SSBP2: variants seen among roughly 807,000 people sequenced by gnomAD.
SSBP2 encodes single-stranded DNA-binding protein 2.
Under a neutral mutation model 61.8 loss-of-function variants are expected in SSBP2, and 17 were observed. That is an observed-to-expected ratio of 0.28 (90% CI 0.19 to 0.41). SSBP2 has a LOEUF of 0.41. Among genes scored for constraint, SSBP2 ranks in the 10% least tolerant of loss-of-function variants. The pLI, the probability that SSBP2 is intolerant of heterozygous loss-of-function variation, is 1.00. For missense variants in SSBP2, 310 were observed against 458.7 expected (o/e 0.68, Z 2.96); for synonymous variants, 139 against 141.3 (o/e 0.98, Z 0.12).
At chr5:81,453,987 C>T (rs1763958002) in intron 10 of SSBP2, among the ~76,000 whole-genome samples, 1 of 152,156 alleles carries the variant, frequency 6.6e-6, no homozygotes, top group African/African-American at 2.4e-5. Context: ...CACTAATAAC[C>T]TTCAAAATAG....
At chr5:81,449,479 T>G (rs1763625736) in intron 10 of SSBP2, among the ~76,000 whole-genome samples, 1 of 152,226 alleles carries the variant, frequency 6.6e-6, no homozygotes, top group African/African-American at 2.4e-5. Flanking sequence ...AGCTAACTTG[T>G]ATTAAGATGC....
chr5:81,514,631 G>A (rs994457382), intron 4 of SSBP2, among the ~76,000 whole-genome samples: 2 of 151,982 alleles, frequency 1.3e-5, no homozygotes, highest in Non-Finnish European at 2.9e-5. Flanking sequence ...CTGCTATGAT[G>A]AGAAATCAAA....
chr5:81,415,325 G>A lies in SSBP2; in HGVS notation c.*5179C>T, dbSNP rs1761263935. On this transcript the variant is annotated 3_prime_UTR_variant, in exon 17 of 17. Transcript: ENST00000320672. ...GGAGACCGGTTCCAGGACCTCTGCA[G>A]ATACCAAAATCCACAGACGCTTAAG... is the stretch of plus-strand genomic sequence containing the variant. The A allele has an allele frequency of 6.6e-6, 1 of 152,176 alleles. No homozygotes were observed. Among genetic ancestry groups the A allele is most frequent in the South Asian group, 2.1e-4 (1 of 4,834 alleles). The allele number at this position is 152,176 out of a possible 1,614,324, so 9.4% of individuals were successfully genotyped here. A position where few individuals can be genotyped will look rare whatever the true frequency, so the allele number is the denominator to read the frequency against.
rs545751072 is a variant in SSBP2, at chr5:81,415,226, A to G, written c.*5278T>C. On this transcript the variant is annotated 3_prime_UTR_variant, in exon 17 of 17. Coordinates refer to ENST00000320672, the MANE Select transcript of SSBP2 (RefSeq NM_012446.5). ...ATACTGGATTACTCCCTCCCATACT[A>G]TACATTCACTGGCCACTTGTATCGA... 1 of 152,196 alleles carries G rather than the reference A, an allele frequency of 6.6e-6. No homozygotes were observed. The highest frequency in any genetic ancestry group is 1.5e-5 in the Non-Finnish European group (1 of 68,042). 9.4% of individuals were successfully genotyped at this position (152,196 alleles called of 1,614,324 possible). A position where few individuals can be genotyped will look rare whatever the true frequency, so the allele number is the denominator to read the frequency against.
intron 3 of SSBP2, among the ~76,000 whole-genome samples, chr5:81,623,889 A>G (rs192307233): frequency 6.6e-6 from 1 of 152,310 alleles, no homozygotes; most frequent in African/African-American, 2.4e-5. Context: ...ACAAGTGATT[A>G]AAAGAGGATA....
chr5:81,528,598 C>T (rs1210261509), intron 4 of SSBP2, among the ~76,000 whole-genome samples: 1 of 151,942 alleles, frequency 6.6e-6, no homozygotes, highest in Admixed American at 6.6e-5. Context: ...ACATGGTTGC[C>T]AATCACATAT....
At chr5:81,432,208 C>T (rs1004005438) in intron 15 of SSBP2, among the ~76,000 whole-genome samples, 1 of 152,036 alleles carries the variant, frequency 6.6e-6, no homozygotes, top group South Asian at 2.1e-4. Context: ...GGTCAGCACA[C>T]ATGAGATGAT....
intron 4 of SSBP2, among the ~76,000 whole-genome samples, chr5:81,591,391 A>G (rs565927788): frequency 6.6e-6 from 1 of 152,344 alleles, no homozygotes; most frequent in African/African-American, 2.4e-5. Flanking sequence ...CAAAAAGTAC[A>G]AGACATATCA....
At chr5:81,425,269 G>A (rs1022624074) in intron 16 of SSBP2, among the ~76,000 whole-genome samples, 2 of 152,092 alleles carry the variant, frequency 1.3e-5, no homozygotes, top group African/African-American at 4.8e-5. Flanking sequence ...CTGTTTAAGT[G>A]TCTGTATGAT....
intron 4 of SSBP2, among the ~76,000 whole-genome samples, chr5:81,581,321 C>T (rs957186499): frequency 6.6e-6 from 1 of 152,112 alleles, no homozygotes; most frequent in Non-Finnish European, 1.5e-5. Context: ...AAGGCTTGAG[C>T]GGCATTTGGG....
chr5:81,751,242 G>A (rs114323033), upstream of SSBP2: 4 of 601,832 alleles, frequency 6.6e-6, no homozygotes, highest in East Asian at 8.7e-5. Context: ...AGCGCGCGGT[G>A]GCGGCTAAGC....
chr5:81,491,141 T>A (rs1766825900), intron 5 of SSBP2, among the ~76,000 whole-genome samples: 1 of 152,222 alleles, frequency 6.6e-6, no homozygotes, highest in South Asian at 2.1e-4. Context: ...TTAAAAAATT[T>A]AATAAATATT....
intron 1 of SSBP2, among the ~76,000 whole-genome samples, chr5:81,652,853 C>G (rs991400808): frequency 6.6e-6 from 1 of 151,686 alleles, no homozygotes; most frequent in Non-Finnish European, 1.5e-5. Flanking sequence ...ACCCATCACC[C>G]GAGTAGCATA....
At chr5:81,488,299 T>C (rs1479082400) in intron 6 of SSBP2, among the ~76,000 whole-genome samples, 1 of 151,816 alleles carries the variant, frequency 6.6e-6, no homozygotes, top group African/African-American at 2.4e-5. Context: ...ATCTCCATAC[T>C]GTTTTCCATA....
intron 1 of SSBP2, among the ~76,000 whole-genome samples, chr5:81,738,867 A>G (rs1040767380): frequency 2.0e-5 from 3 of 152,150 alleles, no homozygotes; most frequent in African/African-American, 7.2e-5. Context: ...TTTTCTGCTT[A>G]AAATTGCTTA....
chr5:81,750,361 C>T (rs1253927214), intron 1 of SSBP2, among the ~76,000 whole-genome samples: 4 of 145,486 alleles, frequency 2.7e-5, no homozygotes, highest in African/African-American at 9.9e-5. Flanking sequence ...CCGCGCCCCG[C>T]GCGCGTCTCC....
At chr5:81,681,277 T>C (rs952668411) in intron 1 of SSBP2, among the ~76,000 whole-genome samples, 4 of 152,140 alleles carry the variant, frequency 2.6e-5, no homozygotes, top group African/African-American at 7.2e-5. Flanking sequence ...CCCAGCACTT[T>C]GGGAGACCGA....
At chr5:81,601,321 G>A (rs997383266) in intron 4 of SSBP2, among the ~76,000 whole-genome samples, 3 of 152,064 alleles carry the variant, frequency 2.0e-5, no homozygotes, top group African/African-American at 4.8e-5. Context: ...TTGGTAAGGC[G>A]GCTGTGAATA....
chr5:81,481,441 G>A (rs1037405194), intron 6 of SSBP2, among the ~76,000 whole-genome samples: 1 of 151,914 alleles, frequency 6.6e-6, no homozygotes, highest in Non-Finnish European at 1.5e-5. Flanking sequence ...GGCCAACATG[G>A]TGAAACCCCA....
Sources: gnomAD v4.1 joint callset for allele counts (sites outside exome capture counted in the v4.1 genomes callset) on GRCh38, gnomAD v4.1.1 for gene constraint, MANE v1.5 for transcripts, NCBI Gene and HGNC (gene_info 2026-07-23, HGNC 2026-07-21) for gene names.